Variants in RASA1 observed in about 807,000 individuals in gnomAD.
RASA1 encodes RAS p21 protein activator 1, also known as ras GTPase-activating protein 1.
Under a neutral mutation model 132.2 loss-of-function variants are expected in RASA1, and 25 were observed. The ratio of observed to expected loss-of-function variants is 0.19; its 90% CI spans 0.14 to 0.26. The LOEUF is 0.26. Ranked by LOEUF, RASA1 falls within the 10% of genes least tolerant of loss-of-function variation. The pLI is 1.00. For missense variants in RASA1, 964 were observed against 1,299.2 expected, an observed-to-expected ratio of 0.74 and a Z score of 3.97; for synonymous variants, 477 against 449.9, an observed-to-expected ratio of 1.06 and a Z score of -0.76.
Position 87,353,228 on chromosome 5 carries a change from C to A in RASA1, c.1325C>A (p.Pro442Gln), listed in dbSNP as rs574202455. 1 of 1,600,946 alleles carries A rather than the reference C, an allele frequency of 6.2e-7. No individual in the cohort carries two copies. Among genetic ancestry groups the A allele is most frequent in the Non-Finnish European group, 8.6e-7 (1 of 1,168,712 alleles). Residue 442 changes from proline (P) to glutamine (Q), a missense_variant, in exon 9 of 25, where the codon CCA (proline) becomes CAA (glutamine). Pro to Gln is a moderately conservative substitution (Grantham distance 76). This residue lies in a region of RASA1 where 25 missense variants were observed against 18.8 expected (regional missense o/e 1.33). Transcript: ENST00000274376. The stretch of plus-strand genomic sequence containing the variant: ...GGATATTATCTTAAGGAACCTGTAC[C>A]AATGCAGGTCAGTGTTGCATTTCTT... Reference protein sequence around the residue: ...VEGYYLKEPVPMQDQEQVLND... With the variant: ...VEGYYLKEPVQMQDQEQVLND...
intron 24 of RASA1, 65 bp downstream of exon 24, chr5:87,389,592 T>C (rs1342235017): frequency 3.8e-6 from 6 of 1,576,384 alleles, no homozygotes; most frequent in Admixed American, 1.7e-5. Flanking sequence ...AGTTAATAAA[T>C]AGCTGAATTC....
At chr5:87,387,018 A>G in intron 23 of RASA1, 115 bp downstream of exon 23, 1 of 995,970 alleles carries the variant, frequency 1.0e-6, no homozygotes, top group Non-Finnish European at 1.5e-6. Context: ...AAAAGACAAA[A>G]AGCCTGCAAA....
chr5:87,300,627 T>TA (rs1359892849), intron 1 of RASA1, among the ~76,000 whole-genome samples: 1 of 152,218 alleles, frequency 6.6e-6, no homozygotes, highest in Non-Finnish European at 1.5e-5. Flanking sequence ...GATGAAATCT[T>TA]ATGCAATTAT....
chr5:87,327,812 A>G (rs1464343824), intron 1 of RASA1, among the ~76,000 whole-genome samples: 2 of 152,080 alleles, frequency 1.3e-5, no homozygotes, highest in Non-Finnish European at 2.9e-5. Flanking sequence ...TAAAAATACA[A>G]AAGTTAGCCG....
chr5:87,389,366 A>G, intron 23 of RASA1, 27 bp from the exon 24 acceptor site: 6 of 1,613,570 alleles, frequency 3.7e-6, no homozygotes, highest in Non-Finnish European at 5.1e-6. Context: ...TTGTATTTCT[A>G]AATGCAATTT....
rs886041400 is a variant in RASA1, at chr5:87,378,498, ACT to A, written c.2450_2451del (p.Ser817TyrfsTer12). ...CAGTTTGTTCATCATGCTTTGAAAG[ACT>A]CTATTTTAAAGATAATGGAAAGCAA... is the stretch of plus-strand genomic sequence containing the variant. On this transcript the variant is annotated frameshift_variant, in exon 18 of 25. Transcript: ENST00000274376. LOFTEE classifies it high-confidence loss of function. 2 of 1,611,906 alleles carry A rather than the reference ACT, an allele frequency of 1.2e-6. No homozygotes were observed. The highest frequency in any genetic ancestry group is 1.1e-5 in the South Asian group (1 of 91,062).
At chr5:87,282,441 T>A (rs955523851) in intron 1 of RASA1, among the ~76,000 whole-genome samples, 6 of 152,232 alleles carry the variant, frequency 3.9e-5, no homozygotes, top group African/African-American at 1.4e-4. Flanking sequence ...GCCACTTGAA[T>A]TGGTGTTCCC....
Position 87,378,370 on chromosome 5 carries a change from A to C in RASA1, c.2345-26A>C, listed in dbSNP as rs1266695923. On this transcript the variant is annotated intron_variant, in intron 17 of 24. Transcript: ENST00000274376. ...ACATTAGGTCAGTCCTTTACAAATAATCTTCTAATGTAAATATTTGTGTAG... is the reference window on the plus strand; with the variant it reads ...ACATTAGGTCAGTCCTTTACAAATACTCTTCTAATGTAAATATTTGTGTAG... 4 of 1,610,248 alleles carry C rather than the reference A, an allele frequency of 2.5e-6. No individual in the cohort carries two copies. The Admixed American group carries it at 6.7e-5, about 27-fold the overall frequency.
intron 1 of RASA1, among the ~76,000 whole-genome samples, chr5:87,323,859 T>C (rs1757010854): frequency 6.6e-6 from 1 of 152,162 alleles, no homozygotes; most frequent in African/African-American, 2.4e-5. Flanking sequence ...AAATGTATGC[T>C]AAAATTCTAA....
intron 6 of RASA1, among the ~76,000 whole-genome samples, chr5:87,341,668 C>G (rs1447378204): frequency 6.6e-6 from 1 of 151,982 alleles, no homozygotes; most frequent in East Asian, 1.9e-4. Context: ...ATAGCCACAT[C>G]TTTTATCCCC....
intron 20 of RASA1, among the ~76,000 whole-genome samples, chr5:87,381,312 A>G (rs1761698170): frequency 2.0e-5 from 3 of 152,186 alleles, no homozygotes; most frequent in Admixed American, 2.0e-4. Context: ...ACCCAATCTG[A>G]TATCCTTGAG....
At chr5:87,342,911 C>T (rs190135060) in intron 6 of RASA1, among the ~76,000 whole-genome samples, 7 of 152,220 alleles carry the variant, frequency 4.6e-5, no homozygotes, top group African/African-American at 1.2e-4. Flanking sequence ...TTTAAAGCTA[C>T]ATCAGTTTTC....
intron 1 of RASA1, among the ~76,000 whole-genome samples, chr5:87,304,093 C>T (rs552120030): frequency 5.9e-5 from 9 of 152,234 alleles, no homozygotes; most frequent in Non-Finnish European, 1.2e-4. Context: ...CCTCAGCCTC[C>T]CAAAGTTTTG....
At chr5:87,385,423 A>G in intron 22 of RASA1, 34 bp downstream of exon 22, 8 of 1,473,006 alleles carry the variant, frequency 5.4e-6, no homozygotes, top group Non-Finnish European at 7.6e-6. Context: ...AATGTAATTT[A>G]TGAATGCAAG....
At chr5:87,284,123 T>A in intron 1 of RASA1, among the ~76,000 whole-genome samples, 1 of 152,190 alleles carries the variant, frequency 6.6e-6, no homozygotes, top group Non-Finnish European at 1.5e-5. Flanking sequence ...ATTTTTTTCT[T>A]ATCAGTGTTA....
rs1762493324 is a variant in RASA1 at position 87,391,247 on chromosome 5, G to T, written c.*364G>T. 2 of 401,516 alleles carry T rather than the reference G, an allele frequency of 5.0e-6. No individual in the cohort carries two copies. 24.9% of individuals were successfully genotyped at this position (401,516 alleles called of 1,614,324 possible). A position where few individuals can be genotyped will look rare whatever the true frequency, so the allele number is the denominator to read the frequency against. On this transcript the variant is annotated 3_prime_UTR_variant, in exon 25 of 25. Transcript: ENST00000274376. ...AAAGTTTTGCTGTCTCTTAGAGAAA[G>T]AACTATGAAATCAACTGACAAGAAA...
chr5:87,333,125 T>TTA, intron 3 of RASA1, 142 bp from the exon 4 acceptor site: 1 of 1,301,066 alleles, frequency 7.7e-7, no homozygotes, highest in Non-Finnish European at 1.0e-6. Context: ...CACTGGGTAT[T>TTA]TATAGTCCAA....
intron 1 of RASA1, among the ~76,000 whole-genome samples, chr5:87,279,859 G>C (rs1030727703): frequency 6.6e-6 from 1 of 152,142 alleles, no homozygotes; most frequent in African/African-American, 2.4e-5. Context: ...TCCCACAATA[G>C]GTCATCTGCA....
intron 21 of RASA1, 125 bp from the exon 22 acceptor site, chr5:87,385,176 A>C: frequency 1.4e-6 from 1 of 706,818 alleles, no homozygotes; most frequent in East Asian, 2.7e-5. Context: ...AAACATTCTG[A>C]GTTCCGAATG....
Sources: gnomAD v4.1 joint callset for allele counts (sites outside exome capture counted in the v4.1 genomes callset) on GRCh38, gnomAD v4.1.1 for gene constraint, gnomAD v4.1.1 regional missense constraint, MANE v1.5 for transcripts, NCBI Gene and HGNC (gene_info 2026-07-23, HGNC 2026-07-21) for gene names.